Variants in TRIM37 observed in about 807,000 individuals in gnomAD.
TRIM37 encodes the protein E3 ubiquitin-protein ligase TRIM37.
Under a neutral mutation model 129.8 loss-of-function variants are expected in TRIM37, and 80 were observed. The ratio of observed to expected loss-of-function variants is 0.62; its 90% confidence interval spans 0.51 to 0.74. The LOEUF is 0.74. TRIM37 is among the 30% of genes least tolerant of loss of function. The pLI is 0.00. For synonymous variants in TRIM37, 389 were observed against 387.1 expected, an observed-to-expected ratio of 1.00 and a Z score of -0.06; for missense variants, 1,054 against 1,176.5, an observed-to-expected ratio of 0.90 and a Z score of 1.52.
downstream of TRIM37, among the ~76,000 whole-genome samples, chr17:58,995,316 C>A (rs963209995): frequency 6.6e-6 from 1 of 151,670 alleles, no homozygotes; most frequent in South Asian, 2.1e-4. Context: ...ATAGCATTCT[C>A]CAATAAAAAG....
At chr17:59,043,688 A>G (rs1178812359) in intron 16 of TRIM37, among the ~76,000 whole-genome samples, 3 of 152,198 alleles carry the variant, frequency 2.0e-5, no homozygotes, top group African/African-American at 7.2e-5. Flanking sequence ...ATGCAGCATG[A>G]TGAGAATACT....
intron 11 of TRIM37, among the ~76,000 whole-genome samples, chr17:59,061,468 A>T (rs2041488292): frequency 6.6e-6 from 1 of 152,082 alleles, no homozygotes; most frequent in African/African-American, 2.4e-5. Context: ...CCAAAAATTA[A>T]TTTTTAAGAC....
chr17:59,062,653 C>G lies in TRIM37; in HGVS notation c.861-5G>C. 1 of 1,613,588 alleles carries G rather than the reference C, an allele frequency of 6.2e-7. No homozygotes were observed. Among genetic ancestry groups the G allele is most frequent in the Non-Finnish European group, 8.5e-7 (1 of 1,179,698 alleles). On this transcript the variant is annotated splice_region_variant and splice_polypyrimidine_tract_variant and intron_variant, in intron 10 of 23. Coordinates refer to ENST00000262294, the MANE Select transcript of TRIM37 (RefSeq NM_015294.6). ...TCTGCTCTCTGACGCAAAGTGCTAA[C>G]GAAAAAGAAAACCAACCAAATCCCA...
Position 58,999,192 on chromosome 17 carries a change from A to G in TRIM37, c.*185T>C. On this transcript the variant is annotated 3_prime_UTR_variant, in exon 24 of 24. Transcript: ENST00000262294. ...GAACTCTTCCCATACTGTTTTTCCC[A>G]TGTACTACTGCTGTCTTAGACTAAA... is the stretch of plus-strand genomic sequence containing the variant. 6.9e-7 allele frequency: 1 copy of G among 1,454,276 alleles called. No homozygotes were observed. 90.1% of individuals were successfully genotyped at this position (1,454,276 alleles called of 1,614,324 possible). A position where few individuals can be genotyped will look rare whatever the true frequency, so the allele number is the denominator to read the frequency against.
At chr17:58,980,158 C>T, downstream of TRIM37, 1 of 1,614,032 alleles carries the variant, frequency 6.2e-7, no homozygotes, top group Non-Finnish European at 8.5e-7. The surrounding 1 kb of genome is among the most constrained non-coding windows in gnomAD (Gnocchi z 4.7). Flanking sequence ...GCATGGTTGC[C>T]CACAAATTAG....
chr17:58,986,920 T>C (rs1053223890), intron 24 of TRIM37, among the ~76,000 whole-genome samples: 1 of 152,194 alleles, frequency 6.6e-6, no homozygotes, highest in African/African-American at 2.4e-5. Context: ...CTTACTTACA[T>C]TTAAAACAAG....
chr17:59,028,142 A>G (rs1026799866), intron 19 of TRIM37, among the ~76,000 whole-genome samples: 2 of 152,138 alleles, frequency 1.3e-5, no homozygotes, highest in Admixed American at 1.3e-4. Context: ...ACACTTTTTA[A>G]TGTCTGATTC....
chr17:59,047,725 G>A lies in TRIM37; in HGVS notation c.1625C>T (p.Ala542Val), dbSNP rs966154796. The A allele has an allele frequency of 6.2e-7, 1 of 1,613,976 alleles. No individual in the cohort carries two copies. The highest frequency in any genetic ancestry group is 2.2e-5 in the East Asian group (1 of 44,874). The change falls in exon 16 of 24, where the codon GCA becomes GTA. Residue 542 changes from alanine (A) to valine (V), a missense_variant. By Grantham distance (64) the Ala-to-Val change is moderately conservative. This residue lies in a region of TRIM37 where 752 missense variants were observed against 870.8 expected (regional missense o/e 0.86). Coordinates refer to ENST00000262294, the MANE Select transcript of TRIM37 (RefSeq NM_015294.6). ...ATCATTTTCTTCTGTATTACTTGTT[G>A]CTGTGGAACTAGCAGAGGAACTGCT... ...DGSSSSASST[A>V]TSNTEENDID...
At chr17:59,046,966 A>C (rs1485918488) in intron 16 of TRIM37, among the ~76,000 whole-genome samples, 1 of 150,570 alleles carries the variant, frequency 6.6e-6, no homozygotes, top group African/African-American at 2.4e-5. Context: ...CAACCTGGCT[A>C]ACACGGTGAA....
At chr17:59,023,035 C>A (rs1454593503) in intron 19 of TRIM37, among the ~76,000 whole-genome samples, 1 of 151,958 alleles carries the variant, frequency 6.6e-6, no homozygotes, top group East Asian at 1.9e-4. Context: ...ACTATAGAAT[C>A]TATTACTATA....
intron 24 of TRIM37, chr17:58,983,702 T>C (rs1299209932): frequency 6.6e-6 from 1 of 152,664 alleles, no homozygotes; most frequent in Non-Finnish European, 1.5e-5. Context: ...TTTTTATTCA[T>C]TGTGTAATTT....
At chr17:59,014,956 G>A (rs1458701481) in intron 21 of TRIM37, among the ~76,000 whole-genome samples, 6 of 149,570 alleles carry the variant, frequency 4.0e-5, no homozygotes, top group Non-Finnish European at 5.9e-5. Context: ...GGCGCCTGTA[G>A]TCCTGGCTAC....
At chr17:58,969,366 A>G in the TRIM37 span, 12 of 721,320 alleles carry the variant, frequency 1.7e-5, no homozygotes, top group Non-Finnish European at 2.5e-5. Flanking sequence ...CTAATATTGC[A>G]GGTATTTCAG....
rs184660557 is a variant in TRIM37 at position 59,040,092 on chromosome 17, G to A, written c.1753+1721C>T. Reference sequence around the variant, plus strand: ...TAATTTTTTTGTATTTTTTTGTAGAGACAAGGTTTCACCACGTTGCCCAGG... The same window carrying A: ...TAATTTTTTTGTATTTTTTTGTAGAAACAAGGTTTCACCACGTTGCCCAGG... On this transcript the variant is annotated intron_variant, in intron 17 of 23. Transcript: ENST00000262294. 1.0e-3 allele frequency among the ~76,000 whole-genome samples: 156 copies of A among 151,668 alleles called. 1 individual carries two copies. The highest frequency in any genetic ancestry group is 1.9e-3 in the Non-Finnish European group (131 of 67,930).
chr17:59,101,721 CAT>C (rs1163926086), intron 2 of TRIM37, among the ~76,000 whole-genome samples: 41 of 121,462 alleles, frequency 3.4e-4, no homozygotes, highest in Non-Finnish European at 4.5e-4. Flanking sequence ...CACACACACA[CAT>C]ATATACATAT....
intron 7 of TRIM37, 104 bp from the exon 8 acceptor site, chr17:59,075,818 A>G: frequency 1.1e-6 from 1 of 893,512 alleles, no homozygotes; most frequent in Non-Finnish European, 1.8e-6. Flanking sequence ...CACTTCAAGT[A>G]AGCAAAAATT....
chr17:59,032,035 T>G lies in TRIM37; in HGVS notation c.1809A>C (p.Leu603Phe). Residue 603 changes from leucine to phenylalanine, a missense_variant, in exon 18 of 24, where the codon TTA (leucine) becomes TTC (phenylalanine). Transcript: ENST00000262294. ...GTAAACTACTGGTAGCAGCGGAGCA[T>G]AAATGTGTTCTTCTTGATATTCTAC... ...SSSRISRRTHLCSAATSSLLD... is the reference protein window; with the variant it reads ...SSSRISRRTHFCSAATSSLLD... The G allele has an allele frequency of 6.2e-7, 1 of 1,614,178 alleles. No individual in the cohort carries two copies. The highest frequency in any genetic ancestry group is 8.5e-7 in the Non-Finnish European group (1 of 1,180,030).
chr17:59,060,107 C>T (rs565467232), intron 12 of TRIM37, among the ~76,000 whole-genome samples: 4 of 152,312 alleles, frequency 2.6e-5, no homozygotes, highest in African/African-American at 9.6e-5. Context: ...TTGTCCAATG[C>T]GCTCTAGCTG....
chr17:59,017,235 T>A, intron 20 of TRIM37, 61 bp downstream of exon 20: 14 of 1,591,804 alleles, frequency 8.8e-6, no homozygotes, highest in Non-Finnish European at 8.6e-6. Flanking sequence ...CACGATAACA[T>A]CAATTTCAGG....
Sources: allele counts gnomAD v4.1 joint callset (sites outside exome capture counted in the v4.1 genomes callset), GRCh38; gene constraint gnomAD v4.1.1; regional missense constraint gnomAD v4.1.1; non-coding constraint Gnocchi (gnomAD v3.1); transcripts MANE v1.5; gene names NCBI Gene and HGNC (gene_info 2026-07-23, HGNC 2026-07-21).